The following TRIM55 variants were observed in gnomAD, a reference collection of about 807,000 sequenced individuals.
TRIM55 encodes tripartite motif containing 55.
In TRIM55, 50 loss-of-function variants were observed where a neutral mutation model predicts 60.9. The ratio of observed to expected loss-of-function variants is 0.82; its 90% CI spans 0.65 to 1.04. The LOEUF is 1.04. TRIM55 is among the 50% of genes least tolerant of loss of function. TRIM55 has a pLI of 0.00. For missense variants in TRIM55, 681 were observed against 666.9 expected (o/e 1.02, Z -0.23); for synonymous variants, 237 against 238.1 (o/e 1.00, Z 0.04).
intron 8 of TRIM55, among the ~76,000 whole-genome samples, chr8:66,153,785 C>T (rs1184336513): frequency 6.6e-6 from 1 of 152,168 alleles, no homozygotes; most frequent in Admixed American, 6.5e-5. Flanking sequence ...TTTCTGCTCT[C>T]TGCCTGCCTG....
At chr8:66,159,768 T>C (rs1406970657) in intron 9 of TRIM55, among the ~76,000 whole-genome samples, 1 of 152,222 alleles carries the variant, frequency 6.6e-6, no homozygotes, top group Non-Finnish European at 1.5e-5. Context: ...CTCCTTGTGG[T>C]TTTAATTTGC....
intron 9 of TRIM55, among the ~76,000 whole-genome samples, chr8:66,154,731 C>T (rs1425485410): frequency 6.6e-6 from 1 of 152,196 alleles, no homozygotes; most frequent in African/African-American, 2.4e-5. Flanking sequence ...AAGACTAATC[C>T]CCTGCTTTTG....
intron 9 of TRIM55, among the ~76,000 whole-genome samples, chr8:66,172,657 G>A (rs1181317075): frequency 2.6e-5 from 4 of 152,222 alleles, no homozygotes; most frequent in Admixed American, 1.3e-4. Flanking sequence ...AGCAGTCCCA[G>A]GGGCTTGTTC....
chr8:66,167,741 CA>C (rs1291936827), intron 9 of TRIM55, among the ~76,000 whole-genome samples: 4 of 151,982 alleles, frequency 2.6e-5, no homozygotes, highest in Non-Finnish European at 4.4e-5. Context: ...TGAATCCTCC[CA>C]AGAAAAAATG....
At chr8:66,133,934 AACAC>A (rs148139671) in intron 2 of TRIM55, among the ~76,000 whole-genome samples, 3 of 151,118 alleles carry the variant, frequency 2.0e-5, no homozygotes, top group African/African-American at 4.9e-5. Context: ...CACATACACA[AACAC>A]ACACACACAC....
chr8:66,128,413 A>G lies in TRIM55; in HGVS notation c.278A>G (p.Tyr93Cys), dbSNP rs1808950647. The change falls in exon 2 of 10, where the codon TAT (tyrosine) becomes TGT (cysteine). Residue 93 changes from tyrosine to cysteine, a missense_variant. By Grantham distance (194) the Tyr-to-Cys change is radical. Transcript: ENST00000315962. ...HEVVLDRHGV[Y>C]GLQRNLLVEN... ...GTGGTTTTGGATAGACATGGGGTAT[A>G]TGGACTTCAGAGGAACCTGCTGGTG... 11 of 1,613,860 alleles carry G rather than the reference A, an allele frequency of 6.8e-6. No homozygotes were observed. The highest frequency in any genetic ancestry group is 9.3e-6 in the Non-Finnish European group (11 of 1,179,886).
chr8:66,134,326 T>A lies in TRIM55; in HGVS notation c.342-664T>A, dbSNP rs543371333. Among the ~76,000 whole-genome samples, 5 of 152,314 alleles carry A rather than the reference T, an allele frequency of 3.3e-5. 1 individual carries two copies. Among genetic ancestry groups the A allele is most frequent in the South Asian group, 4.1e-4 (2 of 4,826 alleles). ...TATATCAGAATTCCTGGGGTTTATATAAGGAGGTACACCCACACTTGCGTC... is the reference window on the plus strand; with the variant it reads ...TATATCAGAATTCCTGGGGTTTATAAAAGGAGGTACACCCACACTTGCGTC... On this transcript the variant is annotated intron_variant, in intron 2 of 9. Coordinates refer to ENST00000315962, the MANE Select transcript of TRIM55 (RefSeq NM_184085.2).
intron 9 of TRIM55, among the ~76,000 whole-genome samples, chr8:66,157,731 G>A (rs1810823183): frequency 6.6e-6 from 1 of 152,110 alleles, no homozygotes; most frequent in Non-Finnish European, 1.5e-5. Context: ...CTATTTCCTG[G>A]TGCTTTCCTT....
chr8:66,155,577 T>C, intron 9 of TRIM55: 2 of 1,369,052 alleles, frequency 1.5e-6, no homozygotes, highest in Non-Finnish European at 2.1e-6. Context: ...TTGAAAATAA[T>C]TATTTGTGAT....
chr8:66,151,422 C>T (rs1327720760), intron 7 of TRIM55, among the ~76,000 whole-genome samples: 2 of 152,134 alleles, frequency 1.3e-5, no homozygotes, highest in Admixed American at 6.5e-5. Context: ...TCAGCTAGAC[C>T]ACTAGACCAC....
chr8:66,115,842 T>C, the TRIM55 span, among the ~76,000 whole-genome samples: 13,395 of 152,218 alleles, frequency 0.088, 992 homozygotes, highest in African/African-American at 0.2. Context: ...AATTAAGATA[T>C]AACATGTAAA....
intron 9 of TRIM55, among the ~76,000 whole-genome samples, chr8:66,159,350 T>A (rs1005909028): frequency 6.6e-6 from 1 of 152,252 alleles, no homozygotes; most frequent in African/African-American, 2.4e-5. Context: ...ATTTGTTTAT[T>A]TTGTGGCATG....
At chr8:66,166,588 C>G (rs956249153) in intron 9 of TRIM55, among the ~76,000 whole-genome samples, 1 of 152,194 alleles carries the variant, frequency 6.6e-6, no homozygotes, top group African/African-American at 2.4e-5. Context: ...GTGGCTGTAA[C>G]AAATGTGTGC....
intron 9 of TRIM55, chr8:66,155,743 T>G: frequency 4.3e-6 from 6 of 1,402,956 alleles, no homozygotes; most frequent in Non-Finnish European, 6.0e-6. Context: ...TTGACTAACA[T>G]CTCACATAGT....
At chr8:66,133,226 T>C (rs1443235635) in intron 2 of TRIM55, among the ~76,000 whole-genome samples, 1 of 152,156 alleles carries the variant, frequency 6.6e-6, no homozygotes, top group Non-Finnish European at 1.5e-5. Flanking sequence ...TCCCAGGCTT[T>C]CCCCATATTT....
chr8:66,150,132 C>A, intron 5 of TRIM55, 85 bp from the exon 6 acceptor site: 2 of 1,474,870 alleles, frequency 1.4e-6, no homozygotes, highest in South Asian at 2.4e-5. Context: ...ATGAGATTCT[C>A]AGAGTCAACA....
chr8:66,153,391 A>G (rs1810552876), intron 8 of TRIM55, among the ~76,000 whole-genome samples: 1 of 152,222 alleles, frequency 6.6e-6, no homozygotes, highest in African/African-American at 2.4e-5. Context: ...ACTTCAGCAG[A>G]CAGGATCCCA....
intron 7 of TRIM55, among the ~76,000 whole-genome samples, chr8:66,150,851 A>C (rs1469112308): frequency 1.3e-5 from 2 of 152,020 alleles, no homozygotes; most frequent in Admixed American, 6.5e-5. Context: ...ATTATTAGAG[A>C]GGTAGGGTTT....
At chr8:66,138,517 G>A (rs1809615278) in intron 4 of TRIM55, among the ~76,000 whole-genome samples, 1 of 152,154 alleles carries the variant, frequency 6.6e-6, no homozygotes, top group Non-Finnish European at 1.5e-5. Flanking sequence ...AGCCTCCTGA[G>A]TAGCTGGGAT....
Sources: gnomAD v4.1 joint callset for allele counts (sites outside exome capture counted in the v4.1 genomes callset) on GRCh38, gnomAD v4.1.1 for gene constraint, MANE v1.5 for transcripts, NCBI Gene and HGNC (gene_info 2026-07-23, HGNC 2026-07-21) for gene names.